Variants in CADM1 observed in about 807,000 individuals in gnomAD.
CADM1 encodes cell adhesion molecule 1, also known as TSLC-1.
A neutral mutation model predicts 53.1 loss-of-function variants in CADM1; 15 were observed. The ratio of observed to expected loss-of-function variants is 0.28; its 90% CI spans 0.19 to 0.44. The LOEUF is 0.44. CADM1 is among the 20% of genes least tolerant of loss of function. The probability of loss-of-function intolerance (pLI) is 1.00; values close to 1 mark genes in which losing one functional copy is unlikely to be tolerated. For missense variants in CADM1, 434 were observed against 611.3 expected, an observed-to-expected ratio of 0.71 and a Z score of 3.06; for synonymous variants, 281 against 243.0, an observed-to-expected ratio of 1.16 and a Z score of -1.45.
intron 1 of CADM1, among the ~76,000 whole-genome samples, chr11:115,266,730 T>C (rs1943150755): frequency 6.6e-6 from 1 of 152,210 alleles, no homozygotes; most frequent in African/African-American, 2.4e-5. Flanking sequence ...ACCCAAGATA[T>C]CTATATTTCT....
chr11:115,418,100 A>G (rs568259130), intron 1 of CADM1, among the ~76,000 whole-genome samples: 1 of 152,208 alleles, frequency 6.6e-6, no homozygotes, highest in Non-Finnish European at 1.5e-5. Flanking sequence ...TACCTTTTGC[A>G]CATTAAAAGA....
chr11:115,502,499 A>C (rs796698026), intron 1 of CADM1, among the ~76,000 whole-genome samples: 13 of 152,108 alleles, frequency 8.5e-5, no homozygotes, highest in African/African-American at 3.1e-4. Flanking sequence ...GAACCCATCC[A>C]GTCAGAGGCA....
intron 1 of CADM1, among the ~76,000 whole-genome samples, chr11:115,463,369 A>G (rs146128641): frequency 5.5e-4 from 84 of 152,264 alleles, no homozygotes; most frequent in African/African-American, 1.9e-3. Flanking sequence ...AAAACATATA[A>G]TATTTTTATA....
rs531191072 is a variant in CADM1 at position 115,259,463 on chromosome 11, C to T, written c.125-19043G>A. Among the ~76,000 whole-genome samples the T allele has an allele frequency of 7.2e-4, 109 of 150,846 alleles. 1 individual carries two copies. The highest frequency in any genetic ancestry group is 2.6e-3 in the African/African-American group (106 of 41,052). On this transcript the variant is annotated intron_variant, in intron 1 of 11. Coordinates refer to ENST00000331581, the MANE Select transcript of CADM1 (RefSeq NM_001301043.2). ...TGGGATTACAGGCACACGCCACCAC[C>T]CCCAGCTAATTTTTATAGATTTAGT... is the stretch of plus-strand genomic sequence containing the variant.
rs570289335 is a variant in CADM1, at chr11:115,375,900, C to T, written c.124+128371G>A. Among the ~76,000 whole-genome samples the T allele has an allele frequency of 9.9e-5, 15 of 152,024 alleles. No homozygotes were observed. The South Asian group carries it at 2.7e-3, about 27-fold the overall frequency. ...AAATTCATATTTGCTGGTATGCTGT[C>T]CAGCATATATTTATTGGTATATTGC... On this transcript the variant is annotated intron_variant, in intron 1 of 11. Coordinates refer to ENST00000331581, the MANE Select transcript of CADM1 (RefSeq NM_001301043.2).
chr11:115,499,142 C>T (rs2135442993), intron 1 of CADM1, among the ~76,000 whole-genome samples: 1 of 152,026 alleles, frequency 6.6e-6, no homozygotes, highest in South Asian at 2.1e-4. Flanking sequence ...TTCTTGGTTT[C>T]ATGAAAAGAG....
rs146619481 is a variant in CADM1, at chr11:115,217,997, T to C, written c.722-6A>G. On this transcript the variant is annotated splice_polypyrimidine_tract_variant and splice_region_variant and intron_variant, in intron 5 of 11. Coordinates refer to ENST00000331581, the MANE Select transcript of CADM1 (RefSeq NM_001301043.2). The stretch of plus-strand genomic sequence containing the variant: ...AATGTGCACTTGAGGCTTATCTGTG[T>C]GACAAAAACACAAAGTATAATGTTT... 1.9e-6 allele frequency: 3 copies of C among 1,599,048 alleles called. No homozygotes were observed. The highest frequency in any genetic ancestry group is 2.2e-5 in the East Asian group (1 of 44,796).
At chr11:115,282,947 C>T (rs1005941141) in intron 1 of CADM1, among the ~76,000 whole-genome samples, 4 of 152,078 alleles carry the variant, frequency 2.6e-5, no homozygotes, top group South Asian at 4.2e-4. Context: ...TGGCCTTTAA[C>T]GTACACCAAG....
In CADM1 at chr11:115,169,330, GTC is replaced by G; in HGVS notation, c.*7142_*7143del. 3.8e-6 allele frequency: 1 copy of G among 264,974 alleles called. No homozygotes were observed. The allele number at this position is 264,974 out of a possible 1,614,324, so 16.4% of individuals were successfully genotyped here. A position where few individuals can be genotyped will look rare whatever the true frequency, so the allele number is the denominator to read the frequency against. ...TCAAGGCCCTTCTCGATGCATTGGT[GTC>G]TCTGCAAGGAAATCTATTATTTTCC... On this transcript the variant is annotated 3_prime_UTR_variant, in exon 12 of 12. Transcript: ENST00000331581.
chr11:115,229,351 T>A (rs1180126876), intron 4 of CADM1, 80 bp from the exon 5 acceptor site: 8 of 1,300,240 alleles, frequency 6.2e-6, no homozygotes, highest in Non-Finnish European at 8.9e-6. Flanking sequence ...CCCTCTGTCC[T>A]CTAACCCCAA....
chr11:115,322,871 G>A (rs1944860480), intron 1 of CADM1, among the ~76,000 whole-genome samples: 1 of 151,916 alleles, frequency 6.6e-6, no homozygotes, highest in Non-Finnish European at 1.5e-5. Context: ...ATAATATAAT[G>A]CATTACATTA....
At position 115,335,983 on chromosome 11, in the gene CADM1, G is replaced by T. The variant is rs182633996; in HGVS notation, c.125-95563C>A. Among the ~76,000 whole-genome samples the T allele has an allele frequency of 2.0e-4, 30 of 152,160 alleles. No individual in the cohort carries two copies. In the South Asian group the frequency reaches 2.9e-3, roughly 15 times the overall value. On this transcript the variant is annotated intron_variant, in intron 1 of 11. Coordinates refer to ENST00000331581, the MANE Select transcript of CADM1 (RefSeq NM_001301043.2). ...TCCAGAAAATGTCTGCCAAATACGC[G>T]TCTGAATAACTATAGTTTAACTCAA... is the stretch of plus-strand genomic sequence containing the variant.
At chr11:115,268,156 T>A (rs1349398119) in intron 1 of CADM1, among the ~76,000 whole-genome samples, 1 of 152,152 alleles carries the variant, frequency 6.6e-6, no homozygotes. Context: ...ACAGCCCACA[T>A]ATTTGTGACG....
At chr11:115,435,725 C>G (rs541196789) in intron 1 of CADM1, among the ~76,000 whole-genome samples, 2 of 152,120 alleles carry the variant, frequency 1.3e-5, no homozygotes, top group East Asian at 3.9e-4. Context: ...AGTGAGACTC[C>G]GTCTCAAAAA....
At chr11:115,377,561 TAATA>T (rs1214626974) in intron 1 of CADM1, 4 of 152,160 alleles carry the variant, frequency 2.6e-5, no homozygotes, top group African/African-American at 7.2e-5. Context: ...ATTCCCTACT[TAATA>T]AATAATTCTA....
intron 1 of CADM1, among the ~76,000 whole-genome samples, chr11:115,425,818 G>A (rs1186293598): frequency 2.0e-5 from 3 of 152,186 alleles, no homozygotes; most frequent in Non-Finnish European, 4.4e-5. Flanking sequence ...CCTCTTAACA[G>A]TAGACAATGT....
At chr11:115,494,544 T>C (rs1480934194) in intron 1 of CADM1, among the ~76,000 whole-genome samples, 4 of 152,170 alleles carry the variant, frequency 2.6e-5, no homozygotes, top group Non-Finnish European at 5.9e-5. Context: ...TCCATTTACT[T>C]ATCAAAAAAC....
chr11:115,460,044 C>T (rs190087232), intron 1 of CADM1, among the ~76,000 whole-genome samples: 1 of 152,300 alleles, frequency 6.6e-6, no homozygotes, highest in African/African-American at 2.4e-5. Flanking sequence ...CAGATCTGAA[C>T]ACCTAGCACC....
chr11:115,284,114 C>CTCTCTCTCTCTCTCTCTCTCTCTGTGTG (rs1351842329), intron 1 of CADM1, among the ~76,000 whole-genome samples: 3 of 98,690 alleles, frequency 3.0e-5, no homozygotes, highest in Non-Finnish European at 6.3e-5. Context: ...CTCTCTCTCT[C>CTCTCTCTCTCTCTCTCTCTCTCTGTGTG]TGTGTGTGTG....
Sources: allele counts gnomAD v4.1 joint callset (sites outside exome capture counted in the v4.1 genomes callset), GRCh38; gene constraint gnomAD v4.1.1; transcripts MANE v1.5; gene names NCBI Gene and HGNC (gene_info 2026-07-23, HGNC 2026-07-21).